The following KIF23 variants were observed in gnomAD, a reference collection of about 807,000 sequenced individuals.
KIF23 encodes the protein kinesin family member 23.
KIF23 carries 30 observed loss-of-function variants against 137.5 expected under a neutral mutation model. The ratio of observed to expected loss-of-function variants is 0.22; its 90% confidence interval spans 0.16 to 0.30. The LOEUF (loss-of-function observed/expected upper bound fraction) is 0.30. KIF23 is among the 10% of genes least tolerant of loss of function. KIF23 has a pLI of 1.00. For synonymous variants in KIF23, 367 were observed against 391.1 expected, an observed-to-expected ratio of 0.94 and a Z score of 0.73; for missense variants, 920 against 1,194.3, an observed-to-expected ratio of 0.77 and a Z score of 3.38.
chr15:69,425,560 A>G (rs997877949), intron 8 of KIF23, among the ~76,000 whole-genome samples: 1 of 152,148 alleles, frequency 6.6e-6, no homozygotes, highest in Non-Finnish European at 1.5e-5. Flanking sequence ...CTCATACCCA[A>G]CCTTCATCTT....
chr15:69,431,021 A>G (rs1311738142), intron 11 of KIF23, among the ~76,000 whole-genome samples: 1 of 152,144 alleles, frequency 6.6e-6, no homozygotes, highest in African/African-American at 2.4e-5. Flanking sequence ...ATAATTTACC[A>G]GGAGCGAGCC....
At position 69,436,112 on chromosome 15, in the gene KIF23, TAAACTCC is replaced by T; in HGVS notation, c.1315-24_1315-18del. ...GGACTTGGATATCCTTATTTTTTTT[TAAACTCC>T]ATTTGTTTTGTGTTTTAGCAAGTCA... On this transcript the variant is annotated intron_variant, in intron 13 of 23. Coordinates refer to ENST00000679126, the MANE Select transcript of KIF23 (RefSeq NM_001367805.3). 6.3e-7 allele frequency: 1 copy of T among 1,595,496 alleles called. No homozygotes were observed. The highest frequency in any genetic ancestry group is 8.5e-7 in the Non-Finnish European group (1 of 1,175,006).
rs2057771254 is a variant in KIF23 at position 69,447,756 on chromosome 15, A to AATT, written c.2910-35_2910-34insTTA. ...TTGCTATGAATGTGTTACTAATTGC[A>AATT]AAGTTCAACTCTAAGTGCTGGTTGT... is the stretch of plus-strand genomic sequence containing the variant. On this transcript the variant is annotated intron_variant, in intron 23 of 23. Coordinates refer to ENST00000679126, the MANE Select transcript of KIF23 (RefSeq NM_001367805.3). The AATT allele has an allele frequency of 1.9e-6, 3 of 1,587,050 alleles. No homozygotes were observed. In the Admixed American group the frequency reaches 5.1e-5, roughly 27 times the overall value.
Position 69,438,284 on chromosome 15 carries a change from A to G in KIF23, c.1634A>G (p.Asn545Ser), listed in dbSNP as rs531067147. ...AAAGCTTTGTTACAAGAATTTGACA[A>G]TGCTGTTTTAAGTAAAGAAAACCAC... ...AFKALLQEFD[N>S]AVLSKENHMQ... The change falls in exon 16 of 24, where the codon AAT (asparagine) becomes AGT (serine). Residue 545 changes from asparagine to serine, a missense_variant. Asn to Ser is a conservative substitution (Grantham distance 46). This residue lies in a region of KIF23 where 714 missense variants were observed against 866.2 expected (regional missense o/e 0.82). Coordinates refer to ENST00000679126, the MANE Select transcript of KIF23 (RefSeq NM_001367805.3). 8.1e-6 allele frequency: 13 copies of G among 1,611,048 alleles called. No homozygotes were observed. In the South Asian group the frequency reaches 1.1e-4, roughly 14 times the overall value.
intron 15 of KIF23, among the ~76,000 whole-genome samples, 172 bp downstream of exon 15, chr15:69,436,894 A>G (rs577960177): frequency 6.6e-6 from 1 of 152,210 alleles, no homozygotes; most frequent in South Asian, 2.1e-4. Context: ...AGCTGGGACT[A>G]CAGGCACATG....
At position 69,440,026 on chromosome 15, in the gene KIF23, C is replaced by A; in HGVS notation, c.1878C>A (p.Ala626=). 6.2e-7 allele frequency: 1 copy of A among 1,613,794 alleles called. No homozygotes were observed. The highest frequency in any genetic ancestry group is 1.3e-5 in the African/African-American group (1 of 74,994). Residue 626 remains alanine, a synonymous_variant, in exon 17 of 24, where the codon GCC becomes GCA. Transcript: ENST00000679126. ...RQFSDKRRLE[A]RLQGMVTETT... Reference sequence around the variant, plus strand: ...TTTCTGACAAACGCAGATTAGAAGCCAGGTTGCAAGGCATGGTGACAGAAA... The same window carrying A: ...TTTCTGACAAACGCAGATTAGAAGCAAGGTTGCAAGGCATGGTGACAGAAA...
chr15:69,431,504 C>G (rs1473714172), intron 11 of KIF23, among the ~76,000 whole-genome samples: 1 of 152,138 alleles, frequency 6.6e-6, no homozygotes, highest in African/African-American at 2.4e-5. Context: ...GTCCCAGCTA[C>G]TCGGGAGCCT....
At chr15:69,442,814 T>C (rs1197794137) in intron 19 of KIF23, among the ~76,000 whole-genome samples, 6 of 152,228 alleles carry the variant, frequency 3.9e-5, no homozygotes, top group African/African-American at 1.2e-4. Flanking sequence ...TCAAAATCTC[T>C]TTAGAAGTGC....
intron 10 of KIF23, chr15:69,427,258 C>T (rs2140343934): frequency 2.8e-6 from 1 of 352,220 alleles, no homozygotes; most frequent in East Asian, 7.3e-5. Context: ...AATTTGGTAT[C>T]TGTGAAATTT....
intron 20 of KIF23, 52 bp from the exon 21 acceptor site, chr15:69,445,957 T>G: frequency 2.4e-6 from 3 of 1,256,862 alleles, no homozygotes; most frequent in Non-Finnish European, 3.5e-6. Context: ...ATATGTGTGT[T>G]TTTCGTTTGG....
In KIF23 at chr15:69,447,899, G is replaced by C; in HGVS notation, c.*92G>C. ...AAGCAGTCTTCCAGGTCATCTTGTA[G>C]AACTCCAGCTTTGTTGAAAATCACG... On this transcript the variant is annotated 3_prime_UTR_variant, in exon 24 of 24. Transcript: ENST00000679126. 1 of 1,345,624 alleles carries C rather than the reference G, an allele frequency of 7.4e-7. No homozygotes were observed. Among genetic ancestry groups the C allele is most frequent in the Middle Eastern group, 1.8e-4 (1 of 5,468 alleles). The allele number at this position is 1,345,624 out of a possible 1,614,324, so 83.4% of individuals were successfully genotyped here.
At position 69,444,485 on chromosome 15, in the gene KIF23, G is replaced by T. The variant is rs1387786387; in HGVS notation, c.2422-305G>T. The T allele has an allele frequency of 7.3e-6, 2 of 275,032 alleles. No homozygotes were observed. Among genetic ancestry groups the T allele is most frequent in the Non-Finnish European group, 1.4e-5 (2 of 145,966 alleles). 17.0% of individuals were successfully genotyped at this position (275,032 alleles called of 1,614,324 possible). A position where few individuals can be genotyped will look rare whatever the true frequency, so the allele number is the denominator to read the frequency against. Reference sequence around the variant, plus strand: ...GGGATAAATATTGGTTTTTGATCAAGAATATGAAATGAGTTGTTTGTCCTG... The same window carrying T: ...GGGATAAATATTGGTTTTTGATCAATAATATGAAATGAGTTGTTTGTCCTG... On this transcript the variant is annotated intron_variant, in intron 19 of 23. Transcript: ENST00000679126. The surrounding 1 kb of genome is among the most constrained non-coding windows in gnomAD (Gnocchi z 4.2).
At chr15:69,440,656 C>A in intron 18 of KIF23, 112 bp from the exon 19 acceptor site, 3 of 1,128,762 alleles carry the variant, frequency 2.7e-6, no homozygotes, top group Non-Finnish European at 3.6e-6. Flanking sequence ...AAAAATAGAA[C>A]AAATAATTAT....
intron 11 of KIF23, among the ~76,000 whole-genome samples, chr15:69,430,595 G>T (rs560891984): frequency 6.6e-6 from 1 of 152,308 alleles, no homozygotes; most frequent in African/African-American, 2.4e-5. Flanking sequence ...AGGATTAAAG[G>T]CAACGTTCCT....
At chr15:69,419,369 A>C (rs1314848306) in intron 3 of KIF23, among the ~76,000 whole-genome samples, 1 of 152,230 alleles carries the variant, frequency 6.6e-6, no homozygotes, top group African/African-American at 2.4e-5. Context: ...ATCTTTGAAC[A>C]GACAAAATCC....
Position 69,438,294 on chromosome 15 carries a change from A to C in KIF23, c.1644A>C (p.Leu548Phe), listed in dbSNP as rs1486291716. The C allele has an allele frequency of 6.2e-7, 1 of 1,612,674 alleles. No homozygotes were observed. The highest frequency in any genetic ancestry group is 1.1e-5 in the South Asian group (1 of 90,646). ...ALLQEFDNAV[L>F]SKENHMQGKL... ...TACAAGAATTTGACAATGCTGTTTT[A>C]AGTAAAGAAAACCACATGCAAGGGA... is the stretch of plus-strand genomic sequence containing the variant. Residue 548 changes from leucine (L) to phenylalanine (F), a missense_variant, in exon 16 of 24, where the codon TTA becomes TTC. By Grantham distance (22) the Leu-to-Phe change is conservative. Around this residue, in one of 4 missense-constraint regions of KIF23, gnomAD observed 714 missense variants for 866.2 expected, o/e 0.82. Coordinates refer to ENST00000679126, the MANE Select transcript of KIF23 (RefSeq NM_001367805.3).
chr15:69,434,447 A>C, intron 11 of KIF23: 1 of 469,544 alleles, frequency 2.1e-6, no homozygotes, highest in Non-Finnish European at 4.0e-6. Flanking sequence ...TCTCCCTGAA[A>C]CTTGTTAAGA....
At position 69,440,871 on chromosome 15, in the gene KIF23, C is replaced by A; in HGVS notation, c.2213C>A (p.Ser738Tyr). The A allele has an allele frequency of 6.2e-7, 1 of 1,614,166 alleles. No individual in the cohort carries two copies. The highest frequency in any genetic ancestry group is 8.5e-7 in the Non-Finnish European group (1 of 1,180,042). The part of the protein sequence containing the change: ...SNSCSSISVA[S>Y]CISEWEQKIP... ...TCTTGCAGCAGCATTTCTGTAGCTT[C>A]CTGTATTTCGGAATGGGAGCAGAAA... Residue 738 changes from serine (S) to tyrosine (Y), a missense_variant, in exon 19 of 24, where the codon TCC becomes TAC. Physicochemically the swap from Ser to Tyr is moderately radical, Grantham distance 144. This residue lies in a region of KIF23 where 714 missense variants were observed against 866.2 expected (regional missense o/e 0.82). Coordinates refer to ENST00000679126, the MANE Select transcript of KIF23 (RefSeq NM_001367805.3).
In KIF23 at chr15:69,446,745, G is replaced by GT. The variant is rs774620800; in HGVS notation, c.2839-125dup. The GT allele has an allele frequency of 1.7e-4, 148 of 869,030 alleles. 1 individual carries two copies. Among genetic ancestry groups the GT allele is most frequent in the Non-Finnish European group, 1.7e-4 (86 of 517,142 alleles). The allele number at this position is 869,030 out of a possible 1,614,324, so 53.8% of individuals were successfully genotyped here. ...AATTACGAGTGACTGGTGTTTTAAC[G>GT]TAAGAGTCTTTGCTGAACTAGAAAG... is the stretch of plus-strand genomic sequence containing the variant. On this transcript the variant is annotated intron_variant, in intron 22 of 23. Coordinates refer to ENST00000679126, the MANE Select transcript of KIF23 (RefSeq NM_001367805.3).
Sources: allele counts gnomAD v4.1 joint callset (sites outside exome capture counted in the v4.1 genomes callset), GRCh38; gene constraint gnomAD v4.1.1; regional missense constraint gnomAD v4.1.1; non-coding constraint Gnocchi (gnomAD v3.1); transcripts MANE v1.5; gene names NCBI Gene and HGNC (gene_info 2026-07-23, HGNC 2026-07-21).